The following ARHGEF11 variants were observed in gnomAD, a reference collection of about 807,000 sequenced individuals.
ARHGEF11 encodes Rho guanine exchange factor (GEF) 11.
ARHGEF11 carries 55 observed loss-of-function variants against 193.7 expected under a neutral mutation model. The observed-to-expected ratio is 0.28, with a 90% CI of 0.23 to 0.36. The LOEUF is 0.36. Ranked by LOEUF, ARHGEF11 falls within the 10% of genes least tolerant of loss-of-function variation. ARHGEF11 has a pLI of 1.00. For missense variants in ARHGEF11, 1,723 were observed against 2,005.6 expected (o/e 0.86, Z 2.69); for synonymous variants, 693 against 768.0 (o/e 0.90, Z 1.62).
intron 1 of ARHGEF11, among the ~76,000 whole-genome samples, chr1:156,988,999 G>A (rs1665337001): frequency 6.6e-6 from 1 of 152,102 alleles, no homozygotes; most frequent in Admixed American, 6.5e-5. Flanking sequence ...AAGGAGAGAG[G>A]AGGGTAGTTT....
intron 1 of ARHGEF11, among the ~76,000 whole-genome samples, chr1:157,036,735 G>C (rs1672097483): frequency 6.6e-6 from 1 of 152,136 alleles, no homozygotes; most frequent in Non-Finnish European, 1.5e-5. Flanking sequence ...AAATTGCTAG[G>C]TATCAATGGC....
intron 1 of ARHGEF11, among the ~76,000 whole-genome samples, chr1:157,023,660 G>A (rs1485155367): frequency 6.6e-6 from 1 of 152,088 alleles, no homozygotes; most frequent in African/African-American, 2.4e-5. Flanking sequence ...CAGCTACTTG[G>A]GAAGCTGAGG....
At position 156,971,778 on chromosome 1, in the gene ARHGEF11, T is replaced by C. The variant is rs1571306548; in HGVS notation, c.621A>G (p.Leu207=). 2 of 1,613,762 alleles carry C rather than the reference T, an allele frequency of 1.2e-6. No individual in the cohort carries two copies. Among genetic ancestry groups the C allele is most frequent in the Non-Finnish European group, 8.5e-7 (1 of 1,179,968 alleles). Reference sequence around the variant, plus strand: ...GGGCACCTTCGATCTGCTCTTCCAGTAGGCTGGCGGGGTTCCGGCTATAGA... The same window carrying C: ...GGGCACCTTCGATCTGCTCTTCCAGCAGGCTGGCGGGGTTCCGGCTATAGA... ...CEVYSRNPAS[L]LEEQIEGARR... Residue 207 remains leucine, a synonymous_variant, in exon 8 of 41, where the codon CTA becomes CTG. Coordinates refer to ENST00000368194, the MANE Select transcript of ARHGEF11 (RefSeq NM_198236.3).
At chr1:156,988,681 G>A (rs1665281122) in intron 1 of ARHGEF11, among the ~76,000 whole-genome samples, 1 of 152,184 alleles carries the variant, frequency 6.6e-6, no homozygotes, top group African/African-American at 2.4e-5. Context: ...ATTGTTAGGG[G>A]CATGGACAAA....
intron 39 of ARHGEF11, 32 bp from the exon 40 acceptor site, chr1:156,937,037 A>G (rs769482194): frequency 6.2e-7 from 1 of 1,605,474 alleles, no homozygotes; most frequent in Non-Finnish European, 8.5e-7. Flanking sequence ...TGTCTGCTCG[A>G]GTCCTTCTAT....
chr1:157,004,040 G>C (rs1380671353), intron 1 of ARHGEF11, among the ~76,000 whole-genome samples: 21 of 152,190 alleles, frequency 1.4e-4, no homozygotes, highest in Admixed American at 1.4e-3. Flanking sequence ...GGACATCCTT[G>C]TTAGAAAAGA....
chr1:157,017,680 C>G (rs1669431018), intron 1 of ARHGEF11, among the ~76,000 whole-genome samples: 1 of 129,474 alleles, frequency 7.7e-6, no homozygotes, highest in Admixed American at 9.4e-5. Context: ...GTGCTCCAGC[C>G]TGGGCAACAG....
intron 1 of ARHGEF11, among the ~76,000 whole-genome samples, chr1:157,026,056 GATC>G (rs1490292580): frequency 6.6e-6 from 1 of 152,176 alleles, no homozygotes; most frequent in East Asian, 1.9e-4. Context: ...CCAAATATTT[GATC>G]ATCAAGACAG....
chr1:156,955,326 C>T (rs1269257602), intron 20 of ARHGEF11, among the ~76,000 whole-genome samples: 10 of 152,178 alleles, frequency 6.6e-5, no homozygotes, highest in East Asian at 1.9e-4. Context: ...ATCCCCCGCC[C>T]GCATCTATAC....
intron 11 of ARHGEF11, among the ~76,000 whole-genome samples, chr1:156,967,114 G>C (rs533185451): frequency 2.0e-5 from 3 of 152,148 alleles, no homozygotes; most frequent in East Asian, 3.9e-4. Flanking sequence ...AACAAACTTG[G>C]TTCTAAACTT....
chr1:157,042,282 C>G (rs1471800224), intron 1 of ARHGEF11, among the ~76,000 whole-genome samples: 1 of 152,134 alleles, frequency 6.6e-6, no homozygotes, highest in African/African-American at 2.4e-5. Flanking sequence ...AAGGTAGGAG[C>G]CCCAAGACAG....
chr1:156,943,811 G>A, intron 32 of ARHGEF11, 124 bp downstream of exon 32: 2 of 1,240,320 alleles, frequency 1.6e-6, no homozygotes, highest in Admixed American at 5.3e-5. Context: ...GGTCAGGACA[G>A]GAGGAAAGGA....
At chr1:157,013,295 A>ACACACACACACACACACC (rs1557952661) in intron 1 of ARHGEF11, among the ~76,000 whole-genome samples, 10 of 149,816 alleles carry the variant, frequency 6.7e-5, no homozygotes, top group South Asian at 2.2e-4. Context: ...ACACACACAC[A>ACACACACACACACACACC]CACACCAAGA....
At position 156,968,019 on chromosome 1, in the gene ARHGEF11, A is replaced by C. The variant is rs374684925; in HGVS notation, c.931T>G (p.Ser311Ala). 9 of 1,614,118 alleles carry C rather than the reference A, an allele frequency of 5.6e-6. No homozygotes were observed. The highest frequency in any genetic ancestry group is 7.6e-6 in the Non-Finnish European group (9 of 1,180,048). The change falls in exon 11 of 41, where the codon TCG becomes GCG. Residue 311 changes from serine to alanine, a missense_variant. Ser to Ala is a moderately conservative substitution (Grantham distance 99, BLOSUM62 1). Around this residue, in one of 5 missense-constraint regions of ARHGEF11, gnomAD observed 646 missense variants for 710.7 expected, o/e 0.91. Transcript: ENST00000368194. ...RVAQHHRRQG[S>A]DAAVPSTGDQ... is the part of the protein sequence containing the mutation. ...CCGGTTGAGGGGACTGCTGCATCCG[A>C]GCCCTGCCGCCTGTGGTGCTGGGCC...
chr1:157,029,227 G>A (rs529259164), intron 1 of ARHGEF11, among the ~76,000 whole-genome samples: 2 of 149,814 alleles, frequency 1.3e-5, no homozygotes, highest in African/African-American at 2.4e-5. Context: ...GATTGCTGGT[G>A]GAAATGTAAA....
chr1:157,001,061 TGAACTCTC>T (rs1272327065), intron 1 of ARHGEF11, among the ~76,000 whole-genome samples: 1 of 152,308 alleles, frequency 6.6e-6, no homozygotes, highest in East Asian at 1.9e-4. Context: ...CCTTCCTCAA[TGAACTCTC>T]GAATGATGAC....
chr1:156,936,306 G>A, intron 40 of ARHGEF11: 1 of 671,382 alleles, frequency 1.5e-6, no homozygotes, highest in Non-Finnish European at 2.8e-6. Flanking sequence ...TGTGTCCCTG[G>A]CCCACCCAGT....
intron 1 of ARHGEF11, among the ~76,000 whole-genome samples, chr1:157,003,286 A>G (rs1005917090): frequency 6.6e-6 from 1 of 152,210 alleles, no homozygotes; most frequent in South Asian, 2.1e-4. Flanking sequence ...AATGCTTTGC[A>G]CTCTGTCTAG....
chr1:157,033,872 T>A (rs944932974), intron 1 of ARHGEF11, among the ~76,000 whole-genome samples: 1 of 152,202 alleles, frequency 6.6e-6, no homozygotes, highest in African/African-American at 2.4e-5. Flanking sequence ...TCTTTAGGTG[T>A]CTCTCCCAGT....
Sources: gnomAD v4.1 joint callset for allele counts (sites outside exome capture counted in the v4.1 genomes callset) on GRCh38, gnomAD v4.1.1 for gene constraint, gnomAD v4.1.1 regional missense constraint, MANE v1.5 for transcripts, NCBI Gene and HGNC (gene_info 2026-07-23, HGNC 2026-07-21) for gene names.